The following NIPBL variants were observed in gnomAD, a reference collection of about 807,000 sequenced individuals.
NIPBL encodes nipped-B-like protein.
In NIPBL, 19 loss-of-function variants were observed where a neutral mutation model predicts 321.8. That is an observed-to-expected ratio of 0.06 (90% CI 0.04 to 0.09). The LOEUF is 0.09. Among genes scored for constraint, NIPBL ranks in the 10% least tolerant of loss-of-function variants. NIPBL has a pLI of 1.00. For missense variants in NIPBL, 2,210 were observed against 3,327.0 expected (o/e 0.66, Z 8.26); for synonymous variants, 1,106 against 1,114.1 (o/e 0.99, Z 0.14).
chr5:36,927,013 G>A (rs188086518), intron 1 of NIPBL, among the ~76,000 whole-genome samples: 1 of 152,300 alleles, frequency 6.6e-6, no homozygotes, highest in Admixed American at 6.5e-5. Context: ...GATTTGAAAG[G>A]AGAAGTTGGT....
At position 36,876,865 on chromosome 5, in the gene NIPBL, C is replaced by T; in HGVS notation, c.-393C>T. On this transcript the variant is annotated 5_prime_UTR_variant, in exon 1 of 47. Coordinates refer to ENST00000282516, the MANE Select transcript of NIPBL (RefSeq NM_133433.4). ...CCCTCCCTCCGTCGGTACCGACTCA[C>T]CCGACACCACCAAGCCGCAGGGAGG... 1 of 366,344 alleles carries T rather than the reference C, an allele frequency of 2.7e-6. No homozygotes were observed. The highest frequency in any genetic ancestry group is 4.7e-5 in the Admixed American group (1 of 21,378). The allele number at this position is 366,344 out of a possible 1,614,324, so 22.7% of individuals were successfully genotyped here. A position where few individuals can be genotyped will look rare whatever the true frequency, so the allele number is the denominator to read the frequency against.
chr5:37,024,783 A>G, intron 30 of NIPBL, 64 bp downstream of exon 30: 1 of 1,290,746 alleles, frequency 7.7e-7, no homozygotes, highest in Admixed American at 2.0e-5. Flanking sequence ...TGTTTATTGC[A>G]CCTAAATGTT....
At chr5:37,045,634 G>C in intron 37 of NIPBL, 37 bp downstream of exon 37, 2 of 1,588,796 alleles carry the variant, frequency 1.3e-6, no homozygotes, top group Non-Finnish European at 1.7e-6. Context: ...ATAAAACATA[G>C]AGCTATATGG....
intron 1 of NIPBL, among the ~76,000 whole-genome samples, chr5:36,890,992 AC>A (rs899022904): frequency 3.3e-4 from 50 of 152,272 alleles, no homozygotes; most frequent in African/African-American, 9.9e-4. Flanking sequence ...CAGGCCGGGC[AC>A]GGTGGCTCAC....
chr5:36,898,422 A>G (rs187341927), intron 1 of NIPBL, among the ~76,000 whole-genome samples: 221 of 152,274 alleles, frequency 1.5e-3, no homozygotes, highest in Admixed American at 3.2e-3. Flanking sequence ...TTTTGAGACA[A>G]TTGAGGCGTA....
intron 1 of NIPBL, among the ~76,000 whole-genome samples, chr5:36,888,543 T>C (rs1360795532): frequency 6.6e-6 from 1 of 152,140 alleles, no homozygotes; most frequent in Non-Finnish European, 1.5e-5. Context: ...TTTACTTAAA[T>C]AACATTTTCA....
At chr5:36,884,786 A>G (rs1040491870) in intron 1 of NIPBL, among the ~76,000 whole-genome samples, 2 of 152,192 alleles carry the variant, frequency 1.3e-5, no homozygotes, top group Admixed American at 6.5e-5. Context: ...CTTAATTTCA[A>G]AATATAATTT....
At chr5:36,952,631 T>C (rs1346517462) in intron 1 of NIPBL, among the ~76,000 whole-genome samples, 1 of 152,208 alleles carries the variant, frequency 6.6e-6, no homozygotes, top group Non-Finnish European at 1.5e-5. Context: ...AATGTCTTCA[T>C]ATATTTTTCT....
At chr5:36,929,530 A>G (rs1324530480) in intron 1 of NIPBL, among the ~76,000 whole-genome samples, 1 of 152,014 alleles carries the variant, frequency 6.6e-6, no homozygotes, top group African/African-American at 2.4e-5. Flanking sequence ...TCTTATTGAT[A>G]TCATTTGAAC....
chr5:37,044,784 G>A, intron 36 of NIPBL, 55 bp downstream of exon 36: 2 of 1,250,052 alleles, frequency 1.6e-6, no homozygotes, highest in Non-Finnish European at 2.3e-6. Context: ...CAGGGGGTCA[G>A]CTCATTTTAA....
At chr5:37,013,820 G>A (rs565635523) in intron 21 of NIPBL, among the ~76,000 whole-genome samples, 1 of 152,374 alleles carries the variant, frequency 6.6e-6, no homozygotes, top group African/African-American at 2.4e-5. Flanking sequence ...GCCGGGCAGA[G>A]GCTGCAATCT....
At chr5:36,947,872 CCAT>C (rs1182938634) in intron 1 of NIPBL, among the ~76,000 whole-genome samples, 1 of 151,720 alleles carries the variant, frequency 6.6e-6, no homozygotes, top group Non-Finnish European at 1.5e-5. Flanking sequence ...CATGCCTAGA[CCAT>C]CATTTTTATG....
intron 29 of NIPBL, among the ~76,000 whole-genome samples, chr5:37,023,807 G>A (rs1749945727): frequency 7.1e-6 from 1 of 140,314 alleles, no homozygotes; most frequent in African/African-American, 2.7e-5. Flanking sequence ...GATTAAAAAG[G>A]CCTGATCGGT....
chr5:36,997,486 A>G (rs1746263849), intron 11 of NIPBL, among the ~76,000 whole-genome samples: 3 of 152,094 alleles, frequency 2.0e-5, no homozygotes, highest in Admixed American at 6.6e-5. Context: ...CTTGCTTTCT[A>G]TCATGAAAGC....
intron 8 of NIPBL, among the ~76,000 whole-genome samples, chr5:36,975,218 A>G (rs1465333516): frequency 6.6e-6 from 1 of 152,104 alleles, no homozygotes; most frequent in Non-Finnish European, 1.5e-5. Context: ...TCAATATTTT[A>G]CCACCAGTTT....
intron 1 of NIPBL, among the ~76,000 whole-genome samples, chr5:36,906,882 C>A (rs1747680793): frequency 6.6e-6 from 1 of 152,130 alleles, no homozygotes; most frequent in Non-Finnish European, 1.5e-5. Context: ...GAAAATAGAT[C>A]CACAAGAAAC....
chr5:37,035,061 A>G (rs1294895890), intron 32 of NIPBL, among the ~76,000 whole-genome samples: 1 of 152,242 alleles, frequency 6.6e-6, no homozygotes, highest in Non-Finnish European at 1.5e-5. Context: ...AGGCTAAGGC[A>G]GGCGGATCAC....
chr5:37,023,143 T>G (rs1054115201), intron 29 of NIPBL, among the ~76,000 whole-genome samples: 7 of 152,168 alleles, frequency 4.6e-5, no homozygotes, highest in Admixed American at 1.3e-4. Context: ...GACAGAAGTA[T>G]AGAGTCATTT....
At chr5:36,967,800 A>G (rs1742372003) in intron 6 of NIPBL, among the ~76,000 whole-genome samples, 2 of 152,220 alleles carry the variant, frequency 1.3e-5, no homozygotes, top group African/African-American at 4.8e-5. Flanking sequence ...AATTTTTTAA[A>G]CAAATATTAA....
Sources: allele counts gnomAD v4.1 joint callset (sites outside exome capture counted in the v4.1 genomes callset), GRCh38; gene constraint gnomAD v4.1.1; transcripts MANE v1.5; gene names NCBI Gene and HGNC (gene_info 2026-07-23, HGNC 2026-07-21).